The following GALNT13 variants were observed in gnomAD, a reference collection of about 807,000 sequenced individuals.
The protein encoded by GALNT13 is polypeptide N-acetylgalactosaminyltransferase 13, also known as UDP-GalNAc:polypeptide N-acetylgalactosaminyltransferase 13.
A neutral mutation model predicts 64.2 loss-of-function variants in GALNT13; 28 were observed. The ratio of observed to expected loss-of-function variants is 0.44; its 90% confidence interval spans 0.32 to 0.60. The LOEUF is 0.60. Ranked by LOEUF, GALNT13 falls within the 20% of genes least tolerant of loss-of-function variation. The pLI is 0.05. For missense variants in GALNT13, 577 were observed against 669.8 expected, an observed-to-expected ratio of 0.86 and a Z score of 1.53; for synonymous variants, 214 against 224.6, an observed-to-expected ratio of 0.95 and a Z score of 0.42.
chr2:154,302,794 A>AC (rs1168267032), intron 9 of GALNT13, among the ~76,000 whole-genome samples: 1 of 152,162 alleles, frequency 6.6e-6, no homozygotes, highest in African/African-American at 2.4e-5. Flanking sequence ...GGTTGTGGAA[A>AC]CCAAGGTTCT....
At chr2:153,771,486 GC>G in the GALNT13 span, among the ~76,000 whole-genome samples, 1 of 152,064 alleles carries the variant, frequency 6.6e-6, no homozygotes, top group Non-Finnish European at 1.5e-5. Flanking sequence ...CAGGTGTGGA[GC>G]AAAAAGTTTA....
chr2:153,633,375 C>G, the GALNT13 span, among the ~76,000 whole-genome samples: 1 of 152,012 alleles, frequency 6.6e-6, no homozygotes, highest in African/African-American at 2.4e-5. Flanking sequence ...ATTATCTCAC[C>G]AAGTAGTCAT....
At chr2:153,751,837 T>C in the GALNT13 span, among the ~76,000 whole-genome samples, 1 of 151,950 alleles carries the variant, frequency 6.6e-6, no homozygotes, top group African/African-American at 2.4e-5. Context: ...TTCAATGTTA[T>C]TATTTATATG....
the GALNT13 span, among the ~76,000 whole-genome samples, chr2:153,070,549 T>C: frequency 1.3e-5 from 2 of 152,198 alleles, no homozygotes; most frequent in African/African-American, 4.8e-5. Context: ...TAGGGGAAAT[T>C]GTTTTTGGAG....
At chr2:154,032,965 C>A (rs1698436251) in intron 3 of GALNT13, among the ~76,000 whole-genome samples, 1 of 127,246 alleles carries the variant, frequency 7.9e-6, no homozygotes, top group African/African-American at 3.0e-5. Flanking sequence ...TGGGGATTTT[C>A]TACATAGAAA....
At chr2:154,350,492 C>A (rs922316312) in intron 9 of GALNT13, among the ~76,000 whole-genome samples, 3 of 152,220 alleles carry the variant, frequency 2.0e-5, no homozygotes, top group Admixed American at 1.3e-4. Flanking sequence ...CTTTCAGCCA[C>A]AGATTGAAGG....
At chr2:154,423,468 A>G (rs973565277) in intron 11 of GALNT13, among the ~76,000 whole-genome samples, 8 of 152,106 alleles carry the variant, frequency 5.3e-5, no homozygotes, top group Admixed American at 3.3e-4. Flanking sequence ...CTAGTTCTAG[A>G]TCCTTGAGGA....
the GALNT13 span, among the ~76,000 whole-genome samples, chr2:153,426,444 G>A: frequency 6.6e-6 from 1 of 151,888 alleles, no homozygotes; most frequent in Non-Finnish European, 1.5e-5. Flanking sequence ...GCTATCCTGG[G>A]TCCAGAAGCT....
the GALNT13 span, among the ~76,000 whole-genome samples, chr2:153,164,389 T>C: frequency 6.6e-6 from 1 of 152,198 alleles, no homozygotes; most frequent in African/African-American, 2.4e-5. Flanking sequence ...ATTTTTACTA[T>C]ATGTTTTTTT....
the GALNT13 span, among the ~76,000 whole-genome samples, chr2:153,715,392 G>T: frequency 1.3e-5 from 2 of 152,188 alleles, no homozygotes; most frequent in Non-Finnish European, 2.9e-5. Flanking sequence ...CTTAGCTCCC[G>T]AGGGTTTCAA....
chr2:153,952,648 A>C (rs997486747), intron 3 of GALNT13, among the ~76,000 whole-genome samples: 1 of 152,148 alleles, frequency 6.6e-6, no homozygotes, highest in Admixed American at 6.6e-5. Context: ...GGACAGAACT[A>C]ATAGGATAGA....
chr2:153,088,650 G>C, the GALNT13 span, among the ~76,000 whole-genome samples: 1 of 152,124 alleles, frequency 6.6e-6, no homozygotes, highest in Non-Finnish European at 1.5e-5. Context: ...TCCAGTGTTA[G>C]ATGCATATAT....
intron 4 of GALNT13, among the ~76,000 whole-genome samples, chr2:154,168,672 T>A (rs1395890757): frequency 0.082 from 9,759 of 118,848 alleles, 493 homozygotes; most frequent in Middle Eastern, 0.15. Context: ...ATCTCTACTA[T>A]TAAAAAAAAA....
intron 9 of GALNT13, 104 bp downstream of exon 9, chr2:154,301,693 T>G: frequency 1.3e-6 from 1 of 753,686 alleles, no homozygotes; most frequent in Non-Finnish European, 2.1e-6. Context: ...TAAAATATTG[T>G]TTATTACCAT....
intron 3 of GALNT13, among the ~76,000 whole-genome samples, chr2:154,062,968 C>T (rs1394122586): frequency 6.6e-6 from 1 of 151,808 alleles, no homozygotes; most frequent in Non-Finnish European, 1.5e-5. Flanking sequence ...CTTTTTCTAA[C>T]ATTATTTATA....
intron 11 of GALNT13, among the ~76,000 whole-genome samples, chr2:154,421,787 A>G (rs150098575): frequency 1.3e-5 from 2 of 152,208 alleles, no homozygotes; most frequent in East Asian, 3.9e-4. Context: ...TATACATGCA[A>G]GAAATATATA....
At chr2:153,344,503 T>C in the GALNT13 span, among the ~76,000 whole-genome samples, 1 of 152,176 alleles carries the variant, frequency 6.6e-6, no homozygotes, top group African/African-American at 2.4e-5. Context: ...GCTGTTGTTG[T>C]TTTTTTGAGA....
intron 10 of GALNT13, among the ~76,000 whole-genome samples, chr2:154,397,379 C>T (rs1345317635): frequency 6.6e-6 from 1 of 152,134 alleles, no homozygotes; most frequent in African/African-American, 2.4e-5. Context: ...GTGGAGCTTG[C>T]AATGAGCCGA....
intron 1 of GALNT13, among the ~76,000 whole-genome samples, chr2:153,889,810 A>C (rs1687432281): frequency 6.6e-6 from 1 of 152,002 alleles, no homozygotes; most frequent in Non-Finnish European, 1.5e-5. Flanking sequence ...GCACTATGTA[A>C]ATGCAAGATC....
Sources: gnomAD v4.1 joint callset for allele counts (sites outside exome capture counted in the v4.1 genomes callset) on GRCh38, gnomAD v4.1.1 for gene constraint, MANE v1.5 for transcripts, NCBI Gene and HGNC (gene_info 2026-07-23, HGNC 2026-07-21) for gene names.